The following SORCS2 variants were observed in gnomAD, a reference collection of about 807,000 sequenced individuals.
SORCS2 encodes the protein sortilin related VPS10 domain containing receptor 2.
A neutral mutation model predicts 141.6 loss-of-function variants in SORCS2; 100 were observed. The observed-to-expected ratio is 0.71, with a 90% CI of 0.60 to 0.83. The LOEUF is 0.83. Ranked by LOEUF, SORCS2 falls within the 40% of genes least tolerant of loss-of-function variation. The probability of loss-of-function intolerance (pLI) is 0.00; values close to 1 mark genes in which losing one functional copy is unlikely to be tolerated. For synonymous variants in SORCS2, 789 were observed against 676.9 expected (o/e 1.17, Z -2.57); for missense variants, 1,646 against 1,560.2 (o/e 1.05, Z -0.93).
At chr4:7,551,067 G>T (rs78386528) in intron 3 of SORCS2, among the ~76,000 whole-genome samples, 2 of 152,194 alleles carry the variant, frequency 1.3e-5, no homozygotes, top group African/African-American at 4.8e-5. Flanking sequence ...TCCAGGGAAG[G>T]CCACTTTGTT....
At position 7,663,017 on chromosome 4, in the gene SORCS2, G is replaced by C. The variant is rs1722273853; in HGVS notation, c.953-1336G>C. Reference sequence around the variant, plus strand: ...GAGCGAGTGAGTGGATGAGTGAGTGGGTGAATGAGTGAATAGGTGTGTGAG... The same window carrying C: ...GAGCGAGTGAGTGGATGAGTGAGTGCGTGAATGAGTGAATAGGTGTGTGAG... On this transcript the variant is annotated intron_variant, in intron 6 of 26. Transcript: ENST00000507866. This position sits in a 1 kb window ranked among gnomAD's most constrained non-coding sequence, Gnocchi z 4.8. Among the ~76,000 whole-genome samples the C allele has an allele frequency of 6.6e-6, 1 of 150,992 alleles. No homozygotes were observed. The highest frequency in any genetic ancestry group is 1.5e-5 in the Non-Finnish European group (1 of 67,746).
intron 1 of SORCS2, among the ~76,000 whole-genome samples, chr4:7,328,726 G>T (rs925960453): frequency 6.6e-6 from 1 of 152,166 alleles, no homozygotes; most frequent in Non-Finnish European, 1.5e-5. Flanking sequence ...CCTCACAGCT[G>T]CAAGGGGCCT....
At chr4:7,205,432 T>C (rs116581858) in intron 1 of SORCS2, among the ~76,000 whole-genome samples, 2,146 of 152,266 alleles carry the variant, frequency 0.014, 42 homozygotes, top group African/African-American at 0.049. Context: ...CAAAATACAG[T>C]TTTAGTATTT....
chr4:7,212,553 G>A (rs1252764278), intron 1 of SORCS2, among the ~76,000 whole-genome samples: 1 of 152,242 alleles, frequency 6.6e-6, no homozygotes, highest in Non-Finnish European at 1.5e-5. Flanking sequence ...TCTGGGTTCT[G>A]TTTTCACTGC....
Position 7,692,579 on chromosome 4 carries a change from G to A in SORCS2, c.1591+2991G>A, listed in dbSNP as rs1198732062. ...GCCCCCATGCCAGGCACTGCACTGG[G>A]TACTGGAAATGAAGGAGCTAAGACT... On this transcript the variant is annotated intron_variant, in intron 11 of 26. Coordinates refer to ENST00000507866, the MANE Select transcript of SORCS2 (RefSeq NM_020777.3). Among the ~76,000 whole-genome samples the A allele has an allele frequency of 5.9e-5, 9 of 152,310 alleles. No homozygotes were observed. The East Asian group carries it at 1.5e-3, about 26-fold the overall frequency.
At position 7,664,442 on chromosome 4, in the gene SORCS2, A is replaced by G; in HGVS notation, c.1042A>G (p.Thr348Ala). The G allele has an allele frequency of 6.2e-7, 1 of 1,613,644 alleles. No homozygotes were observed. The change falls in exon 7 of 27, where the codon ACC (threonine) becomes GCC (alanine). Residue 348 changes from threonine (T) to alanine (A), a missense_variant. Coordinates refer to ENST00000507866, the MANE Select transcript of SORCS2 (RefSeq NM_020777.3). The surrounding 1 kb of genome is among the most constrained non-coding windows in gnomAD (Gnocchi z 4.7). ...AGGCCCCATTGACCACGGGTCTCTGACCGTGCAGGACGATTACATCTTCTT... is the reference window on the plus strand; with the variant it reads ...AGGCCCCATTGACCACGGGTCTCTGGCCGTGCAGGACGATTACATCTTCTT... The part of the protein sequence containing the change: ...FAGPIDHGSL[T>A]VQDDYIFFKA...
intron 1 of SORCS2, among the ~76,000 whole-genome samples, chr4:7,318,357 A>C (rs776010423): frequency 6.6e-6 from 1 of 152,144 alleles, no homozygotes; most frequent in Non-Finnish European, 1.5e-5. Flanking sequence ...ACTCCTTGCA[A>C]GGCGAATGCA....
At chr4:7,470,070 C>T (rs769449320) in intron 2 of SORCS2, among the ~76,000 whole-genome samples, 45 of 152,180 alleles carry the variant, frequency 3.0e-4, no homozygotes, top group Non-Finnish European at 1.2e-4. Flanking sequence ...AACGCTCCTC[C>T]CTCTTGAGCA....
chr4:7,380,100 A>C (rs561554148), intron 1 of SORCS2, among the ~76,000 whole-genome samples: 1 of 152,154 alleles, frequency 6.6e-6, no homozygotes, highest in East Asian at 1.9e-4. Flanking sequence ...ATGGTTGCTC[A>C]TGCCTCAGAA....
intron 1 of SORCS2, among the ~76,000 whole-genome samples, chr4:7,329,207 C>T (rs35322003): frequency 0.46 from 69,935 of 152,050 alleles, 19,713 homozygotes; most frequent in East Asian, 0.81. Context: ...GAATGGCCCA[C>T]AGAGCCCTGG....
At chr4:7,623,132 C>A (rs1388523872) in intron 3 of SORCS2, among the ~76,000 whole-genome samples, 1 of 152,108 alleles carries the variant, frequency 6.6e-6, no homozygotes, top group Non-Finnish European at 1.5e-5. Flanking sequence ...GACACCGATA[C>A]CCCATCGCTG....
intron 3 of SORCS2, among the ~76,000 whole-genome samples, chr4:7,542,273 C>A (rs1712738839): frequency 6.6e-6 from 1 of 152,190 alleles, no homozygotes; most frequent in African/African-American, 2.4e-5. Context: ...TGAATTGTGC[C>A]CCCCAAAAAA....
At chr4:7,197,512 G>A (rs1727242327) in intron 1 of SORCS2, among the ~76,000 whole-genome samples, 1 of 152,138 alleles carries the variant, frequency 6.6e-6, no homozygotes. Flanking sequence ...GGGAAATCAG[G>A]GAAGACTGCA....
intron 5 of SORCS2, among the ~76,000 whole-genome samples, chr4:7,657,493 G>C (rs905322140): frequency 1.2e-5 from 1 of 86,898 alleles, no homozygotes; most frequent in Non-Finnish European, 3.6e-5. Flanking sequence ...GTCAATGAAT[G>C]AATGAGTAAA....
intron 2 of SORCS2, among the ~76,000 whole-genome samples, chr4:7,522,863 CT>C (rs1311325019): frequency 3.0e-5 from 1 of 33,660 alleles, no homozygotes; most frequent in African/African-American, 8.1e-5. Flanking sequence ...TCCCTTTTCC[CT>C]CCCTTTCTCC....
intron 2 of SORCS2, among the ~76,000 whole-genome samples, chr4:7,501,900 G>A (rs1731997893): frequency 6.6e-6 from 1 of 152,242 alleles, no homozygotes; most frequent in South Asian, 2.1e-4. Flanking sequence ...TCTGGAAGGA[G>A]GGCTCCCACA....
intron 2 of SORCS2, among the ~76,000 whole-genome samples, chr4:7,483,894 TC>T (rs1730813887): frequency 6.6e-6 from 1 of 152,076 alleles, no homozygotes; most frequent in African/African-American, 2.4e-5. Flanking sequence ...TGCACATGTA[TC>T]CCAGAACTTA....
chr4:7,212,480 G>A (rs1728111820), intron 1 of SORCS2, among the ~76,000 whole-genome samples: 1 of 152,228 alleles, frequency 6.6e-6, no homozygotes, highest in African/African-American at 2.4e-5. Flanking sequence ...GCTGGCTTCA[G>A]GCATGACTGG....
chr4:7,466,415 C>T (rs1334499691), intron 2 of SORCS2, among the ~76,000 whole-genome samples: 1 of 152,140 alleles, frequency 6.6e-6, no homozygotes, highest in Non-Finnish European at 1.5e-5. Context: ...CGTGGCCACG[C>T]CCCACTCAGA....
Sources: allele counts gnomAD v4.1 joint callset (sites outside exome capture counted in the v4.1 genomes callset), GRCh38; gene constraint gnomAD v4.1.1; non-coding constraint Gnocchi (gnomAD v3.1); transcripts MANE v1.5; gene names NCBI Gene and HGNC (gene_info 2026-07-23, HGNC 2026-07-21).